TSC2: variants seen among roughly 807,000 people sequenced by gnomAD.
The protein encoded by TSC2 is TSC complex subunit 2.
In TSC2, 29 loss-of-function variants were observed where a neutral mutation model predicts 202.2. The ratio of observed to expected loss-of-function variants is 0.14; its 90% CI spans 0.11 to 0.20. The LOEUF is 0.20. Ranked by LOEUF, TSC2 falls within the 10% of genes least tolerant of loss-of-function variation. The probability of loss-of-function intolerance (pLI) is 1.00; values close to 1 mark genes in which losing one functional copy is unlikely to be tolerated. For synonymous variants in TSC2, 1,349 were observed against 1,044.0 expected, an observed-to-expected ratio of 1.29 and a Z score of -5.63; for missense variants, 2,429 against 2,420.0, an observed-to-expected ratio of 1.00 and a Z score of -0.08.
intron 3 of TSC2, 101 bp from the exon 4 acceptor site, chr16:2,053,241 C>T (rs144408387): frequency 0.014 from 16,633 of 1,192,356 alleles, 168 homozygotes; most frequent in Middle Eastern, 0.026. Context: ...CACAAGCCCC[C>T]GTTGTTCCTC....
At chr16:2,055,580 A>G in intron 6 of TSC2, 61 bp downstream of exon 6, 3 of 1,522,798 alleles carry the variant, frequency 2.0e-6, no homozygotes, top group Non-Finnish European at 2.7e-6. Context: ...CGCAGTGAAT[A>G]AAGTTGAAAC....
chr16:2,057,470 G>A (rs1243464856), intron 9 of TSC2, among the ~76,000 whole-genome samples: 1 of 152,152 alleles, frequency 6.6e-6, no homozygotes, highest in Non-Finnish European at 1.5e-5. Context: ...GAGGCTCGGG[G>A]TCTTGGCTTG....
chr16:2,053,721 A>C, intron 4 of TSC2: 2 of 612,212 alleles, frequency 3.3e-6, no homozygotes, highest in South Asian at 3.0e-5. Context: ...CAGTTCTCGC[A>C]GAGTGCTGAG....
At chr16:2,063,905 C>T (rs879904081) in intron 14 of TSC2, 36 of 394,694 alleles carry the variant, frequency 9.1e-5, no homozygotes, top group Admixed American at 1.5e-4. Flanking sequence ...CATGCCCACG[C>T]GTGCACACAG....
intron 2 of TSC2, among the ~76,000 whole-genome samples, chr16:2,049,986 G>C (rs1180253061): frequency 7.5e-6 from 1 of 132,866 alleles, no homozygotes; most frequent in South Asian, 2.3e-4. Flanking sequence ...ACCGAGTTTC[G>C]CTCTTGTCAC....
rs1380835459 is a variant in TSC2, at chr16:2,072,321, C to G, written c.2178C>G (p.Ser726=). The G allele has an allele frequency of 1.2e-6, 2 of 1,614,180 alleles. No homozygotes were observed. The highest frequency in any genetic ancestry group is 1.7e-6 in the Non-Finnish European group (2 of 1,180,044). The part of the protein sequence containing the change: ...SLRYKVLIFT[S]PCSVDQLCSA... ...GCTATAAAGTGCTCATCTTTACTTC[C>G]CCTTGCAGTGTGGACCAGCTGTGCT... Residue 726 remains serine, a synonymous_variant, in exon 20 of 42, where the codon TCC becomes TCG. Transcript: ENST00000219476.
chr16:2,077,147 G>T (rs891616311), intron 25 of TSC2, among the ~76,000 whole-genome samples: 7 of 152,196 alleles, frequency 4.6e-5, no homozygotes, highest in African/African-American at 1.7e-4. Flanking sequence ...CGGCCATTAC[G>T]GCCAGAGACT....
rs539121865 is a variant in TSC2, at chr16:2,076,472, G to A, written c.2743-19G>A. ...CCCCATTGCCACCCCTCACTGTCTG[G>A]GTGTGCTCACTCTGCCAGGGCCTGC... On this transcript the variant is annotated intron_variant, in intron 24 of 41. Coordinates refer to ENST00000219476, the MANE Select transcript of TSC2 (RefSeq NM_000548.5). 195 of 1,613,074 alleles carry A rather than the reference G, an allele frequency of 1.2e-4. 1 individual carries two copies. The South Asian group carries it at 2.0e-3, about 17-fold the overall frequency.
rs2151079762 is a variant in TSC2 at position 2,056,709 on chromosome 16, G to A, written c.714G>A (p.Leu238=). The change falls in exon 8 of 42, where the codon CTG becomes CTA. Residue 238 remains leucine (L), a synonymous_variant. Transcript: ENST00000219476. ...YNCLPAESLP[L]FIVTLCRTIN... is the part of the protein sequence containing the mutation. ...GCCTGCCGGCTGAGAGCCTCCCGCTGTTCATCGTTACCCTCTGTCGCACCA... is the reference window on the plus strand; with the variant it reads ...GCCTGCCGGCTGAGAGCCTCCCGCTATTCATCGTTACCCTCTGTCGCACCA... 1 of 1,612,610 alleles carries A rather than the reference G, an allele frequency of 6.2e-7. No individual in the cohort carries two copies. The highest frequency in any genetic ancestry group is 8.5e-7 in the Non-Finnish European group (1 of 1,180,030).
At position 2,081,102 on chromosome 16, in the gene TSC2, T is replaced by C. The variant is rs1165824646; in HGVS notation, c.3611-493T>C. ...TGGTCCCTTGCTAGCCGTAATTAGC[T>C]TTCTGAAACCCAGTCTCCAGAGACA... On this transcript the variant is annotated intron_variant, in intron 30 of 41. Coordinates refer to ENST00000219476, the MANE Select transcript of TSC2 (RefSeq NM_000548.5). 5.9e-5 allele frequency: 14 copies of C among 238,508 alleles called. No individual in the cohort carries two copies. In the Admixed American group the frequency reaches 7.2e-4, roughly 12 times the overall value. 14.8% of individuals were successfully genotyped at this position (238,508 alleles called of 1,614,324 possible).
Position 2,074,684 on chromosome 16 carries a change from C to T in TSC2, c.2545+295C>T. The T allele has an allele frequency of 6.1e-6, 3 of 494,008 alleles. No individual in the cohort carries two copies. The East Asian group carries it at 1.1e-4, about 18-fold the overall frequency. The allele number at this position is 494,008 out of a possible 1,614,324, so 30.6% of individuals were successfully genotyped here. On this transcript the variant is annotated intron_variant, in intron 22 of 41. Coordinates refer to ENST00000219476, the MANE Select transcript of TSC2 (RefSeq NM_000548.5). ...TGGGCCTCCTCTCTGTCCAACAGAG[C>T]ACACGCCGCTTCAGGGGGGCTTTGT...
intron 8 of TSC2, 31 bp downstream of exon 8, chr16:2,056,800 C>G (rs534939971): frequency 4.4e-6 from 7 of 1,603,176 alleles, no homozygotes; most frequent in Non-Finnish European, 5.1e-6. Context: ...CTGGAAGGTT[C>G]CTGAGAGCAC....
At chr16:2,070,375 C>T in intron 16 of TSC2, 81 bp from the exon 17 acceptor site, 1 of 1,610,420 alleles carries the variant, frequency 6.2e-7, no homozygotes, top group Non-Finnish European at 8.5e-7. Flanking sequence ...CCGCCCCGGC[C>T]CCTGCTCCGG....
chr16:2,082,829 T>C (rs1567515285), intron 32 of TSC2: 2 of 475,638 alleles, frequency 4.2e-6, no homozygotes, highest in Admixed American at 6.7e-5. Context: ...GGCAGCTGTT[T>C]AGGGGGAAGC....
rs767812115 is a variant in TSC2, at chr16:2,081,680, T to G, written c.3696T>G (p.Ser1232=). 1 of 1,612,992 alleles carries G rather than the reference T, an allele frequency of 6.2e-7. No homozygotes were observed. The highest frequency in any genetic ancestry group is 1.1e-5 in the South Asian group (1 of 91,092). Residue 1232 remains serine (S), a synonymous_variant, in exon 31 of 42, where the codon TCT becomes TCG. Coordinates refer to ENST00000219476, the MANE Select transcript of TSC2 (RefSeq NM_000548.5). ...DINNMPLQEL[S]NALMAAERFK... The stretch of plus-strand genomic sequence containing the variant: ...ACAACATGCCCCTGCAGGAGCTGTC[T>G]AACGCCCTCATGGCGGCTGAGCGCT...
Position 2,056,772 on chromosome 16 carries a change from G to A in TSC2, c.774+3G>A. On this transcript the variant is annotated splice_donor_region_variant and intron_variant, in intron 8 of 41. Transcript: ENST00000219476. Reference sequence around the variant, plus strand: ...AGCTCTGCGAGCCTTGCTGGAAGGTGGGGTTTCTGAAACTGCTCTGGAAGG... The same window carrying A: ...AGCTCTGCGAGCCTTGCTGGAAGGTAGGGTTTCTGAAACTGCTCTGGAAGG... 2 of 1,607,358 alleles carry A rather than the reference G, an allele frequency of 1.2e-6. No individual in the cohort carries two copies. The highest frequency in any genetic ancestry group is 2.2e-5 in the East Asian group (1 of 44,896).
intron 17 of TSC2, chr16:2,071,255 C>T (rs990258952): frequency 3.3e-5 from 19 of 567,652 alleles, no homozygotes; most frequent in Non-Finnish European, 4.2e-5. Flanking sequence ...CCATCCCAGG[C>T]GGGCCCAGCT....
Position 2,086,179 on chromosome 16 carries a change from C to T in TSC2, c.4663-14C>T, listed in dbSNP as rs397515174. 11 of 1,611,692 alleles carry T rather than the reference C, an allele frequency of 6.8e-6. No homozygotes were observed. The Admixed American group carries it at 8.3e-5, about 12-fold the overall frequency. On this transcript the variant is annotated splice_polypyrimidine_tract_variant and intron_variant, in intron 36 of 41. Coordinates refer to ENST00000219476, the MANE Select transcript of TSC2 (RefSeq NM_000548.5). ...CGGGAGTGATGCCACCCTGCCTCTC[C>T]CCTCTCCCCACAGAGCAACAGCGAG...
chr16:2,063,122 G>T, intron 14 of TSC2, 69 bp downstream of exon 14: 2 of 1,524,292 alleles, frequency 1.3e-6, no homozygotes, highest in Non-Finnish European at 1.8e-6. Context: ...TCTCTGTTGT[G>T]CACGTGCTCC....
Sources: gnomAD v4.1 joint callset for allele counts (sites outside exome capture counted in the v4.1 genomes callset) on GRCh38, gnomAD v4.1.1 for gene constraint, MANE v1.5 for transcripts, NCBI Gene and HGNC (gene_info 2026-07-23, HGNC 2026-07-21) for gene names.